LGALS9C: variants seen among roughly 807,000 people sequenced by gnomAD.
LGALS9C encodes galectin-9C.
LGALS9C carries 7 observed loss-of-function variants against 41.3 expected under a neutral mutation model. The observed-to-expected ratio is 0.17, with a 90% confidence interval of 0.10 to 0.32. The LOEUF (loss-of-function observed/expected upper bound fraction) is 0.32, where lower values mean the gene tolerates loss of function less well. Among genes scored for constraint, LGALS9C ranks in the 10% least tolerant of loss-of-function variants. The probability of loss-of-function intolerance (pLI) is 1.00; values close to 1 mark genes in which losing one functional copy is unlikely to be tolerated. For missense variants in LGALS9C, 102 were observed against 455.2 expected, an observed-to-expected ratio of 0.22 and a Z score of 7.06; for synonymous variants, 44 against 171.0, an observed-to-expected ratio of 0.26 and a Z score of 5.80.
In LGALS9C at chr17:18,477,074, C is replaced by T. The variant is rs1282809520; in HGVS notation, c.39+181C>T. Among the ~76,000 whole-genome samples the T allele has an allele frequency of 1.2e-4, 16 of 135,100 alleles. 3 individuals carry two copies. The highest frequency in any genetic ancestry group is 5.7e-4 in the Admixed American group (8 of 13,996). 88.6% of individuals were successfully genotyped at this position (135,100 alleles called of 152,430 possible). On this transcript the variant is annotated intron_variant, in intron 1 of 10. Coordinates refer to ENST00000328114, the MANE Select transcript of LGALS9C (RefSeq NM_001040078.3). ...ACAGCTGTGCCATGCTGAGCTCACT[C>T]ATGCCTGGAGAGATGCTCCTCCCAT...
chr17:18,487,551 G>A, intron 3 of LGALS9C, 96 bp from the exon 4 acceptor site: 1 of 895,274 alleles, frequency 1.1e-6, no homozygotes, highest in Non-Finnish European at 1.7e-6. Flanking sequence ...ACCAGACTCA[G>A]GTCTTCATTT....
intron 1 of LGALS9C, among the ~76,000 whole-genome samples, chr17:18,481,017 G>A (rs1203628182): frequency 9.8e-5 from 14 of 142,540 alleles, no homozygotes; most frequent in Non-Finnish European, 1.9e-4. Flanking sequence ...TCAGCTGCTC[G>A]GGAGGCTGAG....
intron 4 of LGALS9C, 120 bp downstream of exon 4, chr17:18,487,877 C>T (rs1446682361): frequency 1.0e-6 from 1 of 1,004,836 alleles, no homozygotes; most frequent in African/African-American, 1.5e-5. Context: ...CTGGGGACAA[C>T]CTCTGCTTCC....
chr17:18,494,458 C>A lies in LGALS9C; in HGVS notation c.*91C>A. 2 of 1,313,462 alleles carry A rather than the reference C, an allele frequency of 1.5e-6. No individual in the cohort carries two copies. Among genetic ancestry groups the A allele is most frequent in the Non-Finnish European group, 2.1e-6 (2 of 941,952 alleles). 81.4% of individuals were successfully genotyped at this position (1,313,462 alleles called of 1,614,324 possible). ...ACTTCCCAGGCCCAGCCTTTCCAAC[C>A]GTGCCTGGGATCTGGGCTTTAATGC... is the stretch of plus-strand genomic sequence containing the variant. On this transcript the variant is annotated 3_prime_UTR_variant, in exon 11 of 11. Transcript: ENST00000328114.
In LGALS9C at chr17:18,488,809, T is replaced by G. The variant is rs578128778; in HGVS notation, c.445-132T>G. 3.6e-5 allele frequency: 46 copies of G among 1,279,788 alleles called. 4 individuals are homozygous for G. Among genetic ancestry groups the G allele is most frequent in the East Asian group, 3.2e-4 (13 of 40,020 alleles). 79.3% of individuals were successfully genotyped at this position (1,279,788 alleles called of 1,614,324 possible). ...CTGGCCCTTTCCGCTCCCGCCTCCG[T>G]GTGGCCCTAACCCCCTTGCTGCATC... On this transcript the variant is annotated intron_variant, in intron 4 of 10. Coordinates refer to ENST00000328114, the MANE Select transcript of LGALS9C (RefSeq NM_001040078.3).
chr17:18,482,846 G>A (rs1989445076), intron 1 of LGALS9C, among the ~76,000 whole-genome samples: 1 of 126,552 alleles, frequency 7.9e-6, no homozygotes, highest in Non-Finnish European at 1.9e-5. Flanking sequence ...CGGATATGAG[G>A]CATTTCGGAA....
chr17:18,484,034 G>C lies in LGALS9C; in HGVS notation c.131+68G>C. 4 of 1,268,390 alleles carry C rather than the reference G, an allele frequency of 3.2e-6. 1 individual carries two copies. Among genetic ancestry groups the C allele is most frequent in the Non-Finnish European group, 4.5e-6 (4 of 898,172 alleles). 78.6% of individuals were successfully genotyped at this position (1,268,390 alleles called of 1,614,324 possible). ...CTTAGTAAAGCCACTGTGCCTGTGAGCCTCGGCTAGTTCAAACAACAACAT... is the reference window on the plus strand; with the variant it reads ...CTTAGTAAAGCCACTGTGCCTGTGACCCTCGGCTAGTTCAAACAACAACAT... On this transcript the variant is annotated intron_variant, in intron 2 of 10. Coordinates refer to ENST00000328114, the MANE Select transcript of LGALS9C (RefSeq NM_001040078.3).
intron 2 of LGALS9C, among the ~76,000 whole-genome samples, chr17:18,484,837 A>G (rs1296994201): frequency 2.7e-5 from 4 of 150,234 alleles, no homozygotes; most frequent in African/African-American, 9.6e-5. Flanking sequence ...CTTCTCTGAG[A>G]GCCTGCAGTG....
Position 18,489,735 on chromosome 17 carries a change from CTGTGCCA to C in LGALS9C, c.540+702_540+708del, listed in dbSNP as rs1400197084. ...ATGCCCCCACGGAGTCTGTACATAT[CTGTGCCA>C]TGCCAGTTCACAGCACCCCATTGTA... On this transcript the variant is annotated intron_variant, in intron 5 of 10. Transcript: ENST00000328114. 2 of 74,008 alleles carry C rather than the reference CTGTGCCA, an allele frequency of 2.7e-5. 1 individual carries two copies. The highest frequency in any genetic ancestry group is 1.0e-4 in the African/African-American group (2 of 19,926). 4.6% of individuals were successfully genotyped at this position (74,008 alleles called of 1,614,324 possible). A position where few individuals can be genotyped will look rare whatever the true frequency, so the allele number is the denominator to read the frequency against.
In LGALS9C at chr17:18,488,922, G is replaced by A. The variant is rs1202381938; in HGVS notation, c.445-19G>A. 3 of 1,503,392 alleles carry A rather than the reference G, an allele frequency of 2.0e-6. 1 individual carries two copies. In the African/African-American group the frequency reaches 4.1e-5, roughly 21 times the overall value. 93.1% of individuals were successfully genotyped at this position (1,503,392 alleles called of 1,614,324 possible). On this transcript the variant is annotated intron_variant, in intron 4 of 10. Transcript: ENST00000328114. ...TATTAATGCTTCTCCTCACCGGCCG[G>A]TGCCTTTTGTTTTAACAGAATCCCC...
chr17:18,480,176 T>C, intron 1 of LGALS9C, among the ~76,000 whole-genome samples: 1 of 117,252 alleles, frequency 8.5e-6, no homozygotes, highest in Admixed American at 8.5e-5. Context: ...GCCACTGCAC[T>C]CCAGCCTGGG....
At chr17:18,478,831 G>A (rs1386665785) in intron 1 of LGALS9C, among the ~76,000 whole-genome samples, 1 of 52,146 alleles carries the variant, frequency 1.9e-5, no homozygotes, top group East Asian at 2.8e-4. Flanking sequence ...CTGTGCCTCA[G>A]TTTCCTCATC....
chr17:18,479,295 G>A (rs1158358000), intron 1 of LGALS9C, among the ~76,000 whole-genome samples: 1 of 129,852 alleles, frequency 7.7e-6, no homozygotes, highest in Non-Finnish European at 1.9e-5. Context: ...TCAGCAGAGG[G>A]ATTGATTTGT....
At position 18,494,632 on chromosome 17, in the gene LGALS9C, G is replaced by C; in HGVS notation, c.*265G>C. The C allele has an allele frequency of 1.8e-6, 1 of 563,996 alleles. No individual in the cohort carries two copies. The highest frequency in any genetic ancestry group is 3.2e-6 in the Non-Finnish European group (1 of 311,354). The allele number at this position is 563,996 out of a possible 1,614,324, so 34.9% of individuals were successfully genotyped here. On this transcript the variant is annotated 3_prime_UTR_variant, in exon 11 of 11. Coordinates refer to ENST00000328114, the MANE Select transcript of LGALS9C (RefSeq NM_001040078.3). ...CAATCCCAGAAGGCGGGCACAGCCA[G>C]GGAGAGGGGAGGAGTGGGCAGTGAA...
chr17:18,484,781 C>A (rs1372281387), intron 2 of LGALS9C, among the ~76,000 whole-genome samples: 1 of 150,992 alleles, frequency 6.6e-6, no homozygotes, highest in Non-Finnish European at 1.5e-5. Flanking sequence ...GCTCCGCCAC[C>A]TAGATTCTTG....
intron 9 of LGALS9C, 28 bp from the exon 10 acceptor site, chr17:18,492,669 A>G (rs1322222951): frequency 6.6e-7 from 1 of 1,504,244 alleles, no homozygotes; most frequent in Non-Finnish European, 9.2e-7. Flanking sequence ...CTCAGTGGAC[A>G]AAGGTCCAGG....
Position 18,477,157 on chromosome 17 carries a change from G to A in LGALS9C, c.39+264G>A, listed in dbSNP as rs1989236318. On this transcript the variant is annotated intron_variant, in intron 1 of 10. Transcript: ENST00000328114. ...TCCTGTCCTGTCCTGTGCGCTCAGGGGAAGAGGTGTAGAGTGGGATGGTTT... is the reference window on the plus strand; with the variant it reads ...TCCTGTCCTGTCCTGTGCGCTCAGGAGAAGAGGTGTAGAGTGGGATGGTTT... 1.5e-5 allele frequency among the ~76,000 whole-genome samples: 2 copies of A among 134,358 alleles called. 1 individual carries two copies. 88.1% of individuals were successfully genotyped at this position (134,358 alleles called of 152,430 possible). A position where few individuals can be genotyped will look rare whatever the true frequency, so the allele number is the denominator to read the frequency against.
At position 18,494,533 on chromosome 17, in the gene LGALS9C, A is replaced by C. The variant is rs1196860578; in HGVS notation, c.*166A>C. Reference sequence around the variant, plus strand: ...TGCTTCTGGCTACAGCCACCCTGGAATCGAGAAGGCAGCTGACTGGGATTG... The same window carrying C: ...TGCTTCTGGCTACAGCCACCCTGGACTCGAGAAGGCAGCTGACTGGGATTG... On this transcript the variant is annotated 3_prime_UTR_variant, in exon 11 of 11. Coordinates refer to ENST00000328114, the MANE Select transcript of LGALS9C (RefSeq NM_001040078.3). 2 of 1,163,830 alleles carry C rather than the reference A, an allele frequency of 1.7e-6. No homozygotes were observed. Among genetic ancestry groups the C allele is most frequent in the African/African-American group, 2.9e-5 (2 of 69,114 alleles). 72.1% of individuals were successfully genotyped at this position (1,163,830 alleles called of 1,614,324 possible).
At position 18,479,791 on chromosome 17, in the gene LGALS9C, A is replaced by T. The variant is rs1271896543; in HGVS notation, c.39+2898A>T. 4.7e-5 allele frequency among the ~76,000 whole-genome samples: 6 copies of T among 127,984 alleles called. 1 individual carries two copies. The highest frequency in any genetic ancestry group is 1.5e-4 in the African/African-American group (6 of 39,428). The allele number at this position is 127,984 out of a possible 152,430, so 84.0% of individuals were successfully genotyped here. On this transcript the variant is annotated intron_variant, in intron 1 of 10. Transcript: ENST00000328114. ...ATTCTGGAGGGCAGATGTTAAAATCATCGTGTGAGCAAGGTTGTCTCCTTC... is the reference window on the plus strand; with the variant it reads ...ATTCTGGAGGGCAGATGTTAAAATCTTCGTGTGAGCAAGGTTGTCTCCTTC...
Sources: allele counts gnomAD v4.1 joint callset (sites outside exome capture counted in the v4.1 genomes callset), GRCh38; gene constraint gnomAD v4.1.1; transcripts MANE v1.5; gene names NCBI Gene and HGNC (gene_info 2026-07-23, HGNC 2026-07-21).